Variants in SLC38A12 observed in about 807,000 individuals in gnomAD.
SLC38A12 encodes putative sodium-coupled neutral amino acid transporter 12.
the SLC38A12 span, chr17:74,835,953 C>G: frequency 6.2e-7 from 1 of 1,610,972 alleles, no homozygotes; most frequent in Non-Finnish European, 8.5e-7. Context: ...TGTGCTGGCC[C>G]TGATCCGCAT....
the SLC38A12 span, among the ~76,000 whole-genome samples, chr17:74,789,080 G>A: frequency 1.3e-5 from 2 of 152,156 alleles, no homozygotes; most frequent in Non-Finnish European, 2.9e-5. Flanking sequence ...CTCAGCCTCA[G>A]GCCCTCCTAC....
the SLC38A12 span, among the ~76,000 whole-genome samples, chr17:74,806,921 G>A: frequency 1.4e-4 from 22 of 152,134 alleles, no homozygotes; most frequent in Non-Finnish European, 1.0e-4. Flanking sequence ...CACACCCAGC[G>A]CCTCACAGCA....
the SLC38A12 span, among the ~76,000 whole-genome samples, chr17:74,833,021 T>C: frequency 2.0e-5 from 3 of 151,754 alleles, no homozygotes; most frequent in Non-Finnish European, 4.4e-5. Context: ...CCGTGGCTTG[T>C]TTGTTTGTTT....
At chr17:74,799,464 C>T in the SLC38A12 span, among the ~76,000 whole-genome samples, 89 of 152,336 alleles carry the variant, frequency 5.8e-4, no homozygotes, top group African/African-American at 1.9e-3. Flanking sequence ...GATCCACCTC[C>T]GGGGCACAGG....
chr17:74,778,242 ATGAT>A, the SLC38A12 span, among the ~76,000 whole-genome samples: 1 of 152,208 alleles, frequency 6.6e-6, no homozygotes, highest in African/African-American at 2.4e-5. Context: ...TATGTAACGT[ATGAT>A]TGGTCATAGT....
At chr17:74,795,731 G>C in the SLC38A12 span, 1 of 924,176 alleles carries the variant, frequency 1.1e-6, no homozygotes. Flanking sequence ...TTTCCCCAGA[G>C]AGGAGGATCT....
At chr17:74,812,001 G>T in the SLC38A12 span, among the ~76,000 whole-genome samples, 1 of 150,976 alleles carries the variant, frequency 6.6e-6, no homozygotes, top group African/African-American at 2.4e-5. Context: ...AGCTATGATC[G>T]CACCACTGCA....
At chr17:74,794,516 T>TAA in the SLC38A12 span, among the ~76,000 whole-genome samples, 1 of 152,222 alleles carries the variant, frequency 6.6e-6, no homozygotes, top group Non-Finnish European at 1.5e-5. Context: ...CCAGGGCTTT[T>TAA]TACCCTTTGG....
the SLC38A12 span, among the ~76,000 whole-genome samples, chr17:74,797,389 A>C: frequency 6.6e-6 from 1 of 152,202 alleles, no homozygotes; most frequent in African/African-American, 2.4e-5. Context: ...CAGAGCCTGC[A>C]AAAGCCACGA....
At chr17:74,811,862 ATC>A in the SLC38A12 span, among the ~76,000 whole-genome samples, 1 of 152,082 alleles carries the variant, frequency 6.6e-6, no homozygotes, top group Non-Finnish European at 1.5e-5. Flanking sequence ...TGAGACCCCC[ATC>A]TCTGCAAAAA....
chr17:74,803,132 T>C, the SLC38A12 span, among the ~76,000 whole-genome samples: 167 of 152,328 alleles, frequency 1.1e-3, 1 homozygote, highest in Non-Finnish European at 1.6e-4. Context: ...AAGGATTTGC[T>C]TCAGATTTCT....
At chr17:74,828,477 C>G in the SLC38A12 span, among the ~76,000 whole-genome samples, 1 of 152,326 alleles carries the variant, frequency 6.6e-6, no homozygotes, top group East Asian at 1.9e-4. Context: ...CCTCATACTC[C>G]TCATCCCTTC....
the SLC38A12 span, among the ~76,000 whole-genome samples, chr17:74,792,145 C>CA: frequency 6.2e-3 from 650 of 104,044 alleles, 5 homozygotes; most frequent in African/African-American, 0.018. Context: ...GACTCCGTCT[C>CA]AAAAAAAAAA....
chr17:74,834,199 A>AC, the SLC38A12 span, among the ~76,000 whole-genome samples: 1 of 151,398 alleles, frequency 6.6e-6, no homozygotes, highest in Non-Finnish European at 1.5e-5. Flanking sequence ...TGTGCCATCC[A>AC]CCCCCAGTGG....
the SLC38A12 span, among the ~76,000 whole-genome samples, chr17:74,826,127 A>T: frequency 6.6e-6 from 1 of 152,178 alleles, no homozygotes; most frequent in Non-Finnish European, 1.5e-5. Flanking sequence ...ATGATTGCAC[A>T]CTGAGCTTGC....
chr17:74,838,110 C>G, the SLC38A12 span: 1 of 985,816 alleles, frequency 1.0e-6, no homozygotes, highest in Non-Finnish European at 1.2e-6. Context: ...TCGGGGAGCC[C>G]ACGGGCTGCG....
At chr17:74,816,939 C>T in the SLC38A12 span, among the ~76,000 whole-genome samples, 2 of 152,136 alleles carry the variant, frequency 1.3e-5, no homozygotes, top group Admixed American at 6.6e-5. Context: ...CAAAGTGCCA[C>T]GCTTGGCTGT....
chr17:74,833,295 G>A, the SLC38A12 span, among the ~76,000 whole-genome samples: 2 of 152,246 alleles, frequency 1.3e-5, no homozygotes, highest in African/African-American at 2.4e-5. Flanking sequence ...GATTACAGGC[G>A]TGAGCCACTG....
At chr17:74,807,883 A>G in the SLC38A12 span, among the ~76,000 whole-genome samples, 1 of 152,236 alleles carries the variant, frequency 6.6e-6, no homozygotes, top group Non-Finnish European at 1.5e-5. Context: ...GGTCAAGGTC[A>G]GAACCCATGG....
Sources: gnomAD v4.1 joint callset for allele counts (sites outside exome capture counted in the v4.1 genomes callset) on GRCh38, gnomAD v4.1.1 for gene constraint, MANE v1.5 for transcripts, NCBI Gene and HGNC (gene_info 2026-07-23, HGNC 2026-07-21) for gene names.